GAA: variants seen among roughly 807,000 people sequenced by gnomAD.
GAA encodes the protein alpha glucosidase.
GAA carries 88 observed loss-of-function variants against 103.9 expected under a neutral mutation model. The observed-to-expected ratio is 0.85, with a 90% confidence interval of 0.71 to 1.01. The LOEUF (loss-of-function observed/expected upper bound fraction) is 1.01. Ranked by LOEUF, GAA falls within the 50% of genes least tolerant of loss-of-function variation. The pLI, the probability that GAA is intolerant of heterozygous loss-of-function variation, is 0.00. For missense variants in GAA, 1,350 were observed against 1,305.3 expected (o/e 1.03, Z -0.53); for synonymous variants, 572 against 563.1 (o/e 1.02, Z -0.22).
Position 80,107,579 on chromosome 17 carries a change from C to G in GAA, c.715C>G (p.Leu239Val). 2 of 1,613,158 alleles carry G rather than the reference C, an allele frequency of 1.2e-6. No homozygotes were observed. The highest frequency in any genetic ancestry group is 1.7e-6 in the Non-Finnish European group (2 of 1,179,892). Reference sequence around the variant, plus strand: ...CAGGCTGAACACGACGGTGGCGCCCCTGTTCTTTGCGGACCAGTTCCTTCA... The same window carrying G: ...CAGGCTGAACACGACGGTGGCGCCCGTGTTCTTTGCGGACCAGTTCCTTCA... ...RVLLNTTVAP[L>V]FFADQFLQLS... The change falls in exon 4 of 20, where the codon CTG becomes GTG. Residue 239 changes from leucine (L) to valine (V), a missense_variant. Transcript: ENST00000302262.
At chr17:80,110,192 T>C in intron 9 of GAA, 137 bp downstream of exon 9, 1 of 684,270 alleles carries the variant, frequency 1.5e-6, no homozygotes, top group Non-Finnish European at 2.5e-6. Context: ...TGGGCCACAG[T>C]GGCCCGTGAC....
chr17:80,118,856 G>T, intron 19 of GAA, 51 bp downstream of exon 19: 1 of 1,602,566 alleles, frequency 6.2e-7, no homozygotes, highest in Non-Finnish European at 8.5e-7. Context: ...CCGTGGTGCA[G>T]GGGGCAGAAG....
intron 6 of GAA, 30 bp downstream of exon 6, chr17:80,108,439 G>T: frequency 6.2e-7 from 1 of 1,613,146 alleles, no homozygotes; most frequent in Non-Finnish European, 8.5e-7. Context: ...CGCGGCCCCC[G>T]CCCCAAGGCT....
At chr17:80,106,001 C>T (rs2039078171) in intron 3 of GAA, 107 bp downstream of exon 3, 2 of 1,432,074 alleles carry the variant, frequency 1.4e-6, no homozygotes, top group South Asian at 1.4e-5. Context: ...CAGGGCGACA[C>T]ATGTTTGTTT....
chr17:80,119,604 C>T lies in GAA; in HGVS notation c.*273C>T. ...TTAATAAGATTGTAAGGTTTGCCCT[C>T]CTCACCTGTTGCCGGCATGCGGGTA... On this transcript the variant is annotated 3_prime_UTR_variant, in exon 20 of 20. Coordinates refer to ENST00000302262, the MANE Select transcript of GAA (RefSeq NM_000152.5). 2.1e-6 allele frequency: 1 copy of T among 465,812 alleles called. No homozygotes were observed. Among genetic ancestry groups the T allele is most frequent in the South Asian group, 2.1e-5 (1 of 48,746 alleles). 28.9% of individuals were successfully genotyped at this position (465,812 alleles called of 1,614,324 possible).
chr17:80,118,561 C>G, intron 18 of GAA, 92 bp from the exon 19 acceptor site: 1 of 1,512,538 alleles, frequency 6.6e-7, no homozygotes, highest in Non-Finnish European at 9.1e-7. Context: ...CTGATGCCAT[C>G]ATGAGTCCCT....
chr17:80,113,847 A>G (rs1446822707), intron 15 of GAA, among the ~76,000 whole-genome samples: 2 of 143,054 alleles, frequency 1.4e-5, no homozygotes, highest in Non-Finnish European at 3.1e-5. Context: ...GGTGAAACCC[A>G]TCTCTACTAA....
Position 80,107,593 on chromosome 17 carries a change from C to T in GAA, c.729C>T (p.Asp243=). The change falls in exon 4 of 20, where the codon GAC becomes GAT. Residue 243 remains aspartate (D), a synonymous_variant. Coordinates refer to ENST00000302262, the MANE Select transcript of GAA (RefSeq NM_000152.5). ...NTTVAPLFFA[D]QFLQLSTSLP... The stretch of plus-strand genomic sequence containing the variant: ...CGGTGGCGCCCCTGTTCTTTGCGGA[C>T]CAGTTCCTTCAGCTGTCCACCTCGC... 6.2e-7 allele frequency: 1 copy of T among 1,613,264 alleles called. No homozygotes were observed. Among genetic ancestry groups the T allele is most frequent in the Non-Finnish European group, 8.5e-7 (1 of 1,179,932 alleles).
chr17:80,113,605 G>A (rs2039297883), intron 15 of GAA, among the ~76,000 whole-genome samples: 1 of 152,240 alleles, frequency 6.6e-6, no homozygotes, highest in Non-Finnish European at 1.5e-5. Flanking sequence ...ACATCAGTGT[G>A]TTGAGGGAGG....
intron 12 of GAA, 42 bp downstream of exon 12, chr17:80,112,142 C>A: frequency 6.4e-7 from 1 of 1,568,846 alleles, no homozygotes; most frequent in Non-Finnish European, 8.8e-7. Flanking sequence ...GCCCTCACAG[C>A]CTGTCCTACA....
Position 80,107,829 on chromosome 17 carries a change from T to A in GAA, c.888T>A (p.Pro296=). 1.9e-6 allele frequency: 3 copies of A among 1,612,154 alleles called. No individual in the cohort carries two copies. Among genetic ancestry groups the A allele is most frequent in the Non-Finnish European group, 2.5e-6 (3 of 1,179,698 alleles). Residue 296 remains proline (P), a synonymous_variant, in exon 5 of 20, where the codon CCT becomes CCA. Transcript: ENST00000302262. ...GTGCGAACCTCTACGGGTCTCACCC[T>A]TTCTACCTGGCGCTGGAGGACGGCG... is the stretch of plus-strand genomic sequence containing the variant. ...TPGANLYGSH[P]FYLALEDGGS...
In GAA at chr17:80,108,724, A is replaced by G. The variant is rs560575383; in HGVS notation, c.1222A>G (p.Met408Val). The G allele has an allele frequency of 1.7e-5, 27 of 1,612,556 alleles. No homozygotes were observed. The highest frequency in any genetic ancestry group is 2.3e-5 in the Non-Finnish European group (27 of 1,179,876). The change falls in exon 8 of 20, where the codon ATG (methionine) becomes GTG (valine). Residue 408 changes from methionine (M) to valine (V), a missense_variant. Coordinates refer to ENST00000302262, the MANE Select transcript of GAA (RefSeq NM_000152.5). ...LDVQWNDLDYMDSRRDFTFNK... is the reference protein window; with the variant it reads ...LDVQWNDLDYVDSRRDFTFNK... Reference sequence around the variant, plus strand: ...CGTCCAGTGGAACGACCTGGACTACATGGACTCCCGGAGGGACTTCACGTT... The same window carrying G: ...CGTCCAGTGGAACGACCTGGACTACGTGGACTCCCGGAGGGACTTCACGTT...
chr17:80,114,795 T>C (rs1189719755), intron 15 of GAA, among the ~76,000 whole-genome samples: 1 of 152,216 alleles, frequency 6.6e-6, no homozygotes, highest in Non-Finnish European at 1.5e-5. Context: ...GCAGAAGGAC[T>C]CCCTTTAGTA....
chr17:80,112,961 T>C lies in GAA; in HGVS notation c.1974T>C (p.Cys658=). Residue 658 remains cysteine, a synonymous_variant, in exon 14 of 20, where the codon TGT becomes TGC. Transcript: ENST00000302262. Reference sequence around the variant, plus strand: ...TGGGCAACACCTCAGAGGAGCTGTGTGTGCGCTGGACCCAGCTGGGGGCCT... The same window carrying C: ...TGGGCAACACCTCAGAGGAGCTGTGCGTGCGCTGGACCCAGCTGGGGGCCT... ...GFLGNTSEEL[C]VRWTQLGAFY... 1 of 1,610,518 alleles carries C rather than the reference T, an allele frequency of 6.2e-7. No individual in the cohort carries two copies. The highest frequency in any genetic ancestry group is 8.5e-7 in the Non-Finnish European group (1 of 1,179,008).
chr17:80,109,392 A>T (rs754875673), intron 8 of GAA, among the ~76,000 whole-genome samples: 8 of 152,204 alleles, frequency 5.3e-5, no homozygotes, highest in Non-Finnish European at 1.2e-4. Flanking sequence ...AGCCAGAAGG[A>T]TGCAGTTTGG....
At position 80,118,180 on chromosome 17, in the gene GAA, CT is replaced by C. The variant is rs2039401098; in HGVS notation, c.2482-11del. ...GGTGGGGATGATGACATCACGTGTC[CT>C]TCCCTTTCCAGGGCCCTGGCCTCAC... On this transcript the variant is annotated splice_polypyrimidine_tract_variant and intron_variant, in intron 17 of 19. Coordinates refer to ENST00000302262, the MANE Select transcript of GAA (RefSeq NM_000152.5). 2 of 1,612,622 alleles carry C rather than the reference CT, an allele frequency of 1.2e-6. No individual in the cohort carries two copies. Among genetic ancestry groups the C allele is most frequent in the South Asian group, 1.1e-5 (1 of 91,006 alleles).
At chr17:80,105,174 T>A (rs773562416) in intron 2 of GAA, 42 bp downstream of exon 2, 1 of 1,563,788 alleles carries the variant, frequency 6.4e-7, no homozygotes, top group East Asian at 2.3e-5. Context: ...GGGCAGAGGG[T>A]GCGCGTGGAC....
intron 11 of GAA, among the ~76,000 whole-genome samples, chr17:80,111,267 A>G (rs951291995): frequency 6.6e-6 from 1 of 152,234 alleles, no homozygotes; most frequent in Non-Finnish European, 1.5e-5. Flanking sequence ...GCCAGAGCAC[A>G]GTGAGGCCGA....
At chr17:80,112,798 A>G (rs2039271169) in intron 13 of GAA, 78 bp from the exon 14 acceptor site, 1 of 1,576,392 alleles carries the variant, frequency 6.3e-7, no homozygotes, top group East Asian at 2.3e-5. Flanking sequence ...CCCACTTAGC[A>G]GGTGGGGCTC....
Sources: allele counts gnomAD v4.1 joint callset (sites outside exome capture counted in the v4.1 genomes callset), GRCh38; gene constraint gnomAD v4.1.1; transcripts MANE v1.5; gene names NCBI Gene and HGNC (gene_info 2026-07-23, HGNC 2026-07-21).